PRKACA: variants seen among roughly 807,000 people sequenced by gnomAD.
PRKACA encodes the protein cAMP-dependent protein kinase catalytic subunit alpha.
A neutral mutation model predicts 45.8 loss-of-function variants in PRKACA; 9 were observed. The observed-to-expected ratio is 0.20, with a 90% CI of 0.12 to 0.34. PRKACA has a LOEUF of 0.34. Ranked by LOEUF, PRKACA falls within the 10% of genes least tolerant of loss-of-function variation. The pLI is 1.00. For synonymous variants in PRKACA, 160 were observed against 178.6 expected (o/e 0.90, Z 0.83); for missense variants, 238 against 458.6 (o/e 0.52, Z 4.39).
chr19:14,102,837 G>T lies in PRKACA; in HGVS notation c.315C>A (p.Val105=). Residue 105 remains valine, a synonymous_variant, in exon 4 of 10, where the codon GTC becomes GTA. Transcript: ENST00000308677. ...ILQAVNFPFL[V]KLEFSFKDNS... ...CCACCTTGAAGGAGAACTCGAGTTT[G>T]ACGAGGAACGGAAAGTTGACAGCTT... 6.2e-7 allele frequency: 1 copy of T among 1,614,170 alleles called. No homozygotes were observed. Among genetic ancestry groups the T allele is most frequent in the Non-Finnish European group, 8.5e-7 (1 of 1,179,996 alleles).
intron 4 of PRKACA, 32 bp downstream of exon 4, chr19:14,102,784 T>C: frequency 6.3e-7 from 1 of 1,575,998 alleles, no homozygotes; most frequent in East Asian, 2.2e-5. Context: ...CCCAATGCAG[T>C]GACCCCCCGC....
In PRKACA at chr19:14,097,621, G is replaced by A. The variant is rs769653802; in HGVS notation, c.600C>T (p.Cys200=). 2.2e-5 allele frequency: 36 copies of A among 1,612,236 alleles called. No individual in the cohort carries two copies. The highest frequency in any genetic ancestry group is 2.0e-4 in the Admixed American group (12 of 59,828). The change falls in exon 7 of 10, where the codon TGC becomes TGT. Residue 200 remains cysteine (C), a synonymous_variant. Transcript: ENST00000308677. This position sits in a 1 kb window ranked among gnomAD's most constrained non-coding sequence, Gnocchi z 5.4. The part of the protein sequence containing the change: ...KRVKGRTWTL[C]GTPEYLAPEI... ...CAGGGGCCAGGTACTCAGGGGTGCCGCACAAGGTCCAAGTGCGGCCCTTCA... is the reference window on the plus strand; with the variant it reads ...CAGGGGCCAGGTACTCAGGGGTGCCACACAAGGTCCAAGTGCGGCCCTTCA...
At chr19:14,102,393 G>A (rs1411811561) in intron 4 of PRKACA, among the ~76,000 whole-genome samples, 2 of 152,126 alleles carry the variant, frequency 1.3e-5, no homozygotes, top group Admixed American at 6.5e-5. Flanking sequence ...ACCCCACCAG[G>A]CTGGAACTGG....
chr19:14,093,191 C>T lies in PRKACA; in HGVS notation c.977G>A (p.Ser326Asn). 2 of 1,614,072 alleles carry T rather than the reference C, an allele frequency of 1.2e-6. No individual in the cohort carries two copies. Among genetic ancestry groups the T allele is most frequent in the South Asian group, 1.1e-5 (1 of 91,076 alleles). Residue 326 changes from serine to asparagine, a missense_variant, in exon 10 of 10, where the codon AGT becomes AAT. Physicochemically the swap from Ser to Asn is conservative, Grantham distance 46. This residue lies in a region of PRKACA where 51 missense variants were observed against 68.6 expected (regional missense o/e 0.74). Transcript: ENST00000308677. ...IPKFKGPGDT[S>N]NFDDYEEEEI... ...TTCTTCCTCATAGTCGTCAAAGTTA[C>T]TCGTATCCCCAGGGCCTTTAAACTT...
chr19:14,096,218 G>C (rs1241372576), intron 8 of PRKACA, among the ~76,000 whole-genome samples: 1 of 151,224 alleles, frequency 6.6e-6, no homozygotes, highest in East Asian at 1.9e-4. Context: ...TTTTTTGTGT[G>C]TGTTTTTAGT....
intron 4 of PRKACA, 25 bp downstream of exon 4, chr19:14,102,791 C>T: frequency 1.8e-5 from 28 of 1,594,826 alleles, no homozygotes; most frequent in Non-Finnish European, 2.4e-5. Flanking sequence ...CAGTGACCCC[C>T]CGCCCTTGGC....
At position 14,092,778 on chromosome 19, in the gene PRKACA, C is replaced by G. The variant is rs904043785; in HGVS notation, c.*334G>C. 8.6e-5 allele frequency: 38 copies of G among 439,776 alleles called. No homozygotes were observed. The highest frequency in any genetic ancestry group is 7.6e-5 in the Admixed American group (2 of 26,268). The allele number at this position is 439,776 out of a possible 1,614,324, so 27.2% of individuals were successfully genotyped here. ...TTCCATACCCTGTCCCTGGATACAC[C>G]AGCAAGACCTGGTCTGACTGGAGTT... On this transcript the variant is annotated 3_prime_UTR_variant, in exon 10 of 10. Transcript: ENST00000308677.
At chr19:14,109,937 CAAAAAAAAAAAAA>C (rs869056089) in intron 1 of PRKACA, among the ~76,000 whole-genome samples, 6 of 17,540 alleles carry the variant, frequency 3.4e-4, no homozygotes, top group African/African-American at 2.0e-3. Context: ...GACTCTGTCT[CAAAAAAAAAAAAA>C]AAAAAAAAAA....
intron 8 of PRKACA, among the ~76,000 whole-genome samples, chr19:14,094,605 A>G (rs1163123241): frequency 6.6e-6 from 1 of 152,194 alleles, no homozygotes; most frequent in Non-Finnish European, 1.5e-5. Context: ...GAGAAGGGGA[A>G]ACTGAGGCTT....
In PRKACA at chr19:14,097,336, C is replaced by G. The variant is rs770280014; in HGVS notation, c.765+25G>C. ...AGGGAACGGTCTGTTTCTTCCAGGG[C>G]TGTGTCCCCACATCCGGACCTCACC... On this transcript the variant is annotated intron_variant, in intron 8 of 9. Transcript: ENST00000308677. The surrounding 1 kb of genome is among the most constrained non-coding windows in gnomAD (Gnocchi z 5.4). 1.2e-6 allele frequency: 2 copies of G among 1,613,938 alleles called. No individual in the cohort carries two copies. The highest frequency in any genetic ancestry group is 3.3e-5 in the Admixed American group (2 of 60,024).
chr19:14,117,671 G>C lies in PRKACA; in HGVS notation c.-124C>G. On this transcript the variant is annotated 5_prime_UTR_variant, in exon 1 of 10. Coordinates refer to ENST00000308677, the MANE Select transcript of PRKACA (RefSeq NM_002730.4). ...CCCTCGGGCTGGCTGCGCTAGCTGCGGCGCCGCGACCCCCGCCCAGCCCCT... is the reference window on the plus strand; with the variant it reads ...CCCTCGGGCTGGCTGCGCTAGCTGCCGCGCCGCGACCCCCGCCCAGCCCCT... The C allele has an allele frequency of 2.2e-6, 1 of 452,200 alleles. No individual in the cohort carries two copies. The highest frequency in any genetic ancestry group is 2.9e-6 in the Non-Finnish European group (1 of 344,180). 28.0% of individuals were successfully genotyped at this position (452,200 alleles called of 1,614,324 possible). A position where few individuals can be genotyped will look rare whatever the true frequency, so the allele number is the denominator to read the frequency against.
Position 14,093,088 on chromosome 19 carries a change from A to G in PRKACA, c.*24T>C. On this transcript the variant is annotated 3_prime_UTR_variant, in exon 10 of 10. Transcript: ENST00000308677. ...AAAAAAAGAAAAAAGAAAAAAGAAA[A>G]CCCATGGGGGCACAGGCATGCCCCT... 1 of 1,511,076 alleles carries G rather than the reference A, an allele frequency of 6.6e-7. No homozygotes were observed. The highest frequency in any genetic ancestry group is 8.9e-7 in the Non-Finnish European group (1 of 1,127,664). 93.6% of individuals were successfully genotyped at this position (1,511,076 alleles called of 1,614,324 possible).
At chr19:14,113,193 A>G (rs1367368941) in intron 1 of PRKACA, among the ~76,000 whole-genome samples, 2 of 150,854 alleles carry the variant, frequency 1.3e-5, no homozygotes, top group African/African-American at 2.4e-5. Context: ...ACCGGAAACG[A>G]GCGGCTAAAC....
At chr19:14,112,914 G>T (rs1250621145) in intron 1 of PRKACA, among the ~76,000 whole-genome samples, 1 of 152,148 alleles carries the variant, frequency 6.6e-6, no homozygotes, top group Non-Finnish European at 1.5e-5. Context: ...GGCTAAAGAG[G>T]CCCCAGAGCT....
intron 1 of PRKACA, among the ~76,000 whole-genome samples, chr19:14,116,489 C>T (rs1440889330): frequency 6.6e-6 from 1 of 152,160 alleles, no homozygotes. Context: ...TCAGTTAGAA[C>T]CGAATGAACC....
At chr19:14,093,368 G>A (rs1977150082) in intron 9 of PRKACA, 131 bp from the exon 10 acceptor site, 3 of 1,288,814 alleles carry the variant, frequency 2.3e-6, no homozygotes, top group Non-Finnish European at 3.2e-6. Context: ...TTAGGTTATG[G>A]ATTCCTCTTA....
intron 1 of PRKACA, among the ~76,000 whole-genome samples, chr19:14,112,010 C>G (rs1376855000): frequency 2.0e-5 from 3 of 152,230 alleles, no homozygotes; most frequent in Non-Finnish European, 4.4e-5. Flanking sequence ...GCTGGTGCCC[C>G]ACAGAGTCGC....
chr19:14,107,497 A>G (rs1417548109), intron 1 of PRKACA, 88 bp from the exon 2 acceptor site: 18 of 1,466,922 alleles, frequency 1.2e-5, no homozygotes, highest in Non-Finnish European at 1.7e-5. Context: ...CTTGGTGGAA[A>G]GTGGGGTGCA....
At position 14,098,024 on chromosome 19, in the gene PRKACA, A is replaced by G; in HGVS notation, c.420-134T>C. 2.6e-6 allele frequency: 3 copies of G among 1,132,960 alleles called. No homozygotes were observed. In the East Asian group the frequency reaches 7.4e-5, roughly 28 times the overall value. 70.2% of individuals were successfully genotyped at this position (1,132,960 alleles called of 1,614,324 possible). A position where few individuals can be genotyped will look rare whatever the true frequency, so the allele number is the denominator to read the frequency against. Reference sequence around the variant, plus strand: ...CAGAAACGCAAGGCACCTGATTCTTAGATAGCCCGACATGGGAAACAGCCT... The same window carrying G: ...CAGAAACGCAAGGCACCTGATTCTTGGATAGCCCGACATGGGAAACAGCCT... On this transcript the variant is annotated intron_variant, in intron 5 of 9. Transcript: ENST00000308677.
Sources: gnomAD v4.1 joint callset for allele counts (sites outside exome capture counted in the v4.1 genomes callset) on GRCh38, gnomAD v4.1.1 for gene constraint, gnomAD v4.1.1 regional missense constraint, Gnocchi (gnomAD v3.1) non-coding constraint, MANE v1.5 for transcripts, NCBI Gene and HGNC (gene_info 2026-07-23, HGNC 2026-07-21) for gene names.